The following ZNF609 variants were observed in gnomAD, a reference collection of about 807,000 sequenced individuals.
ZNF609 encodes the protein zinc finger protein 609.
A neutral mutation model predicts 109.5 loss-of-function variants in ZNF609; 11 were observed. The ratio of observed to expected loss-of-function variants is 0.10; its 90% CI spans 0.06 to 0.17. The LOEUF (loss-of-function observed/expected upper bound fraction) is 0.17. ZNF609 is among the 10% of genes least tolerant of loss of function. ZNF609 has a pLI of 1.00. For missense variants in ZNF609, 1,559 were observed against 1,772.4 expected, an observed-to-expected ratio of 0.88 and a Z score of 2.16; for synonymous variants, 646 against 662.0, an observed-to-expected ratio of 0.98 and a Z score of 0.37.
At chr15:64,672,624 C>CAA (rs147395815) in intron 4 of ZNF609, among the ~76,000 whole-genome samples, 4 of 121,592 alleles carry the variant, frequency 3.3e-5, no homozygotes, top group East Asian at 2.5e-4. Context: ...CACTCCATCT[C>CAA]AAAAAAAAAA....
At chr15:64,602,771 G>A (rs1595734791) in intron 2 of ZNF609, among the ~76,000 whole-genome samples, 1 of 127,902 alleles carries the variant, frequency 7.8e-6, no homozygotes, top group Admixed American at 9.3e-5. Flanking sequence ...CACCCAGGCT[G>A]GAGTGCAGTG....
rs1895005264 is a variant in ZNF609, at chr15:64,577,353, A to G, written c.748-45474A>G. On this transcript the variant is annotated intron_variant, in intron 2 of 9. Transcript: ENST00000326648. ...AATATATACATATATATGTATATAT[A>G]TACACATATATGTATATATATACAC... Among the ~76,000 whole-genome samples the G allele has an allele frequency of 1.1e-4, 2 of 18,866 alleles. 1 individual carries two copies. Among genetic ancestry groups the G allele is most frequent in the Non-Finnish European group, 4.3e-4 (2 of 4,638 alleles). The allele number at this position is 18,866 out of a possible 152,430, so 12.4% of individuals were successfully genotyped here. A position where few individuals can be genotyped will look rare whatever the true frequency, so the allele number is the denominator to read the frequency against.
chr15:64,672,941 C>T (rs538798256), intron 4 of ZNF609, among the ~76,000 whole-genome samples: 3 of 142,840 alleles, frequency 2.1e-5, no homozygotes, highest in East Asian at 2.0e-4. Context: ...TCCAGCCTGG[C>T]GACAGAGCAA....
intron 3 of ZNF609, among the ~76,000 whole-genome samples, chr15:64,657,753 T>C (rs1896511845): frequency 6.6e-6 from 1 of 152,180 alleles, no homozygotes; most frequent in Non-Finnish European, 1.5e-5. Context: ...GGACTTAGAC[T>C]CTAGTGGTTG....
intron 2 of ZNF609, among the ~76,000 whole-genome samples, chr15:64,563,461 A>T (rs576919341): frequency 2.8e-4 from 42 of 152,108 alleles, no homozygotes; most frequent in Admixed American, 5.2e-4. Context: ...AAAAAAAAAA[A>T]AATAATTGAA....
At chr15:64,472,938 T>A (rs775089573) in intron 1 of ZNF609, among the ~76,000 whole-genome samples, 1 of 152,198 alleles carries the variant, frequency 6.6e-6, no homozygotes, top group Non-Finnish European at 1.5e-5. Flanking sequence ...TTTATCTGTT[T>A]TGGAACAGAT....
In ZNF609 at chr15:64,586,047, G is replaced by T. The variant is rs571298495; in HGVS notation, c.748-36780G>T. On this transcript the variant is annotated intron_variant, in intron 2 of 9. Transcript: ENST00000326648. ...TTGTAGAAATGGGATCTTGCCGGCCGGGTGCGGTGGCTCATGCCTGTAATC... is the reference window on the plus strand; with the variant it reads ...TTGTAGAAATGGGATCTTGCCGGCCTGGTGCGGTGGCTCATGCCTGTAATC... Among the ~76,000 whole-genome samples the T allele has an allele frequency of 6.4e-4, 97 of 152,078 alleles. 1 individual carries two copies. In the South Asian group the frequency reaches 0.02, roughly 31 times the overall value.
intron 2 of ZNF609, among the ~76,000 whole-genome samples, chr15:64,548,345 G>A (rs572032854): frequency 1.3e-5 from 2 of 152,270 alleles, no homozygotes; most frequent in Non-Finnish European, 2.9e-5. Context: ...AATTTTACTC[G>A]TGTACACTCT....
intron 2 of ZNF609, among the ~76,000 whole-genome samples, chr15:64,613,047 C>T (rs1212961152): frequency 6.6e-6 from 1 of 151,914 alleles, no homozygotes; most frequent in African/African-American, 2.4e-5. Flanking sequence ...TGAGGCCAGG[C>T]ATGGTGGGTC....
chr15:64,463,350 G>C (rs538177443), intron 1 of ZNF609, among the ~76,000 whole-genome samples: 1 of 151,420 alleles, frequency 6.6e-6, no homozygotes, highest in East Asian at 1.9e-4. Context: ...AGTGAGCTGT[G>C]ATTGCACCGC....
chr15:64,540,612 GC>G (rs1894234769), intron 2 of ZNF609, among the ~76,000 whole-genome samples: 1 of 151,380 alleles, frequency 6.6e-6, no homozygotes, highest in African/African-American at 2.4e-5. Flanking sequence ...CACCATGTTG[GC>G]CAGCGTGGTC....
In ZNF609 at chr15:64,527,284, T is replaced by C. The variant is rs150683492; in HGVS notation, c.747+27118T>C. 4.4e-3 allele frequency among the ~76,000 whole-genome samples: 659 copies of C among 148,806 alleles called. 3 individuals carry two copies. The highest frequency in any genetic ancestry group is 7.0e-3 in the Non-Finnish European group (469 of 67,028). On this transcript the variant is annotated intron_variant, in intron 2 of 9. Coordinates refer to ENST00000326648, the MANE Select transcript of ZNF609 (RefSeq NM_015042.2). ...CTATCTGAGTCGTTGTCGTCAGATA[T>C]CAGCTACACTCCATTTCCAACGTCT...
intron 3 of ZNF609, among the ~76,000 whole-genome samples, chr15:64,630,091 C>T (rs200160356): frequency 5.6e-5 from 8 of 143,078 alleles, no homozygotes; most frequent in African/African-American, 8.1e-5. Context: ...TCCTAATTTT[C>T]TTTTTTCTTT....
chr15:64,569,616 C>G (rs1423741788), intron 2 of ZNF609, among the ~76,000 whole-genome samples: 3 of 152,236 alleles, frequency 2.0e-5, no homozygotes, highest in Non-Finnish European at 2.9e-5. Flanking sequence ...GCCCCCTCCC[C>G]AGACTGGGGT....
intron 3 of ZNF609, among the ~76,000 whole-genome samples, chr15:64,637,680 C>T (rs1313798257): frequency 1.3e-5 from 2 of 152,032 alleles, no homozygotes; most frequent in Admixed American, 1.3e-4. Flanking sequence ...ATTTGGAAAT[C>T]TCTTTTACGA....
intron 3 of ZNF609, among the ~76,000 whole-genome samples, chr15:64,643,399 A>C (rs1171982410): frequency 6.6e-6 from 1 of 152,198 alleles, no homozygotes; most frequent in Non-Finnish European, 1.5e-5. Flanking sequence ...CTGGGAGTTG[A>C]GGTATTGGTT....
Position 64,674,418 on chromosome 15 carries a change from G to T in ZNF609, c.1564G>T (p.Asp522Tyr), listed in dbSNP as rs373634293. The change falls in exon 5 of 10, where the codon GAT becomes TAT. Residue 522 changes from aspartate (D) to tyrosine (Y), a missense_variant. Around this residue, in one of 4 missense-constraint regions of ZNF609, gnomAD observed 1,204 missense variants for 1,314.1 expected, o/e 0.92. Transcript: ENST00000326648. ...LKYHQAHAHT[D>Y]DDSKPEADGD... ...GTACCACCAAGCTCATGCCCATACA[G>T]ATGATGACAGCAAGCCGGAAGCGGA... 9 of 1,614,066 alleles carry T rather than the reference G, an allele frequency of 5.6e-6. No homozygotes were observed. Among genetic ancestry groups the T allele is most frequent in the Non-Finnish European group, 7.6e-6 (9 of 1,180,058 alleles).
Position 64,674,033 on chromosome 15 carries a change from A to G in ZNF609, c.1179A>G (p.Lys393=), listed in dbSNP as rs1896772832. 3 of 1,614,040 alleles carry G rather than the reference A, an allele frequency of 1.9e-6. No individual in the cohort carries two copies. In the South Asian group the frequency reaches 3.3e-5, roughly 18 times the overall value. ...VNETATASDS[K]GTSNSSKTRA... is the part of the protein sequence containing the mutation. ...AGACAGCCACAGCCTCTGACAGCAA[A>G]GGGACCAGTAACAGCAGCAAAACCC... is the stretch of plus-strand genomic sequence containing the variant. The change falls in exon 5 of 10, where the codon AAA becomes AAG. Residue 393 remains lysine, a synonymous_variant. Coordinates refer to ENST00000326648, the MANE Select transcript of ZNF609 (RefSeq NM_015042.2).
At chr15:64,599,353 C>T (rs538080035) in intron 2 of ZNF609, among the ~76,000 whole-genome samples, 1 of 152,072 alleles carries the variant, frequency 6.6e-6, no homozygotes, top group Non-Finnish European at 1.5e-5. Context: ...GCTCCAAAGA[C>T]TGAGATGTTT....
Sources: gnomAD v4.1 joint callset for allele counts (sites outside exome capture counted in the v4.1 genomes callset) on GRCh38, gnomAD v4.1.1 for gene constraint, gnomAD v4.1.1 regional missense constraint, MANE v1.5 for transcripts, NCBI Gene and HGNC (gene_info 2026-07-23, HGNC 2026-07-21) for gene names.